SLC7A2: variants seen among roughly 807,000 people sequenced by gnomAD.
SLC7A2 encodes the protein solute carrier family 7 member 2.
Under a neutral mutation model 58.9 loss-of-function variants are expected in SLC7A2, and 48 were observed. That is an observed-to-expected ratio of 0.82 (90% CI 0.65 to 1.04). The LOEUF is 1.04. SLC7A2 is among the 50% of genes least tolerant of loss of function. The pLI, the probability that SLC7A2 is intolerant of heterozygous loss-of-function variation, is 0.00. For missense variants in SLC7A2, 1,029 were observed against 818.8 expected (o/e 1.26, Z -3.13); for synonymous variants, 363 against 314.5 (o/e 1.15, Z -1.63).
chr8:17,561,283 C>T (rs576435108), intron 10 of SLC7A2, among the ~76,000 whole-genome samples: 9 of 152,206 alleles, frequency 5.9e-5, no homozygotes, highest in Non-Finnish European at 7.4e-5. Context: ...TACAGTTCCA[C>T]GTGGTTAGGG....
intron 2 of SLC7A2, among the ~76,000 whole-genome samples, chr8:17,514,090 T>C (rs548306234): frequency 6.6e-6 from 1 of 152,278 alleles, no homozygotes; most frequent in Non-Finnish European, 1.5e-5. Flanking sequence ...TCAGCCCTTA[T>C]TGGGAGTAAA....
rs993125295 is a variant in SLC7A2 at position 17,497,227 on chromosome 8, A to T, written c.-79A>T. On this transcript the variant is annotated 5_prime_UTR_variant, in exon 1 of 13. Coordinates refer to ENST00000494857, the MANE Select transcript of SLC7A2 (RefSeq NM_001370338.1). The stretch of plus-strand genomic sequence containing the variant: ...CCGCCGCCTTCTTGGCGCGACCCCA[A>T]CCCAGCCCCAGTAAGTTGCTAGGTC... 6.6e-6 allele frequency: 1 copy of T among 151,278 alleles called. No individual in the cohort carries two copies. Among genetic ancestry groups the T allele is most frequent in the East Asian group, 2.0e-4 (1 of 5,042 alleles). The allele number at this position is 151,278 out of a possible 1,614,324, so 9.4% of individuals were successfully genotyped here.
chr8:17,541,179 G>C (rs1263666155), intron 2 of SLC7A2, among the ~76,000 whole-genome samples: 5 of 152,156 alleles, frequency 3.3e-5, no homozygotes, highest in Admixed American at 3.3e-4. Context: ...CAGAAGCTCA[G>C]CATTTAGTAA....
At chr8:17,524,197 G>A (rs1801128677) in intron 2 of SLC7A2, among the ~76,000 whole-genome samples, 1 of 152,158 alleles carries the variant, frequency 6.6e-6, no homozygotes. Flanking sequence ...ACAGTGTGGA[G>A]ATTCCTTAAA....
At chr8:17,540,362 A>C (rs889880273) in intron 2 of SLC7A2, among the ~76,000 whole-genome samples, 5 of 152,154 alleles carry the variant, frequency 3.3e-5, no homozygotes, top group African/African-American at 4.8e-5. Context: ...TTTTCTAATT[A>C]CTCAAAAGCA....
chr8:17,567,303 A>G lies in SLC7A2; in HGVS notation c.*2157A>G, dbSNP rs1383539768. On this transcript the variant is annotated 3_prime_UTR_variant, in exon 13 of 13. Transcript: ENST00000494857. ...CACACAGGAAATGTGAACAATTGTT[A>G]TATATGAACACTCAAATCTTTTACT... 6 of 152,442 alleles carry G rather than the reference A, an allele frequency of 3.9e-5. No homozygotes were observed. Among genetic ancestry groups the G allele is most frequent in the African/African-American group, 9.6e-5 (4 of 41,472 alleles). The allele number at this position is 152,442 out of a possible 1,614,324, so 9.4% of individuals were successfully genotyped here. A position where few individuals can be genotyped will look rare whatever the true frequency, so the allele number is the denominator to read the frequency against.
intron 2 of SLC7A2, among the ~76,000 whole-genome samples, chr8:17,503,108 TG>T (rs1388531322): frequency 2.6e-5 from 4 of 152,136 alleles, no homozygotes; most frequent in African/African-American, 9.7e-5. Context: ...TGGAGTGCAG[TG>T]GCGCGATCTC....
upstream of SLC7A2, among the ~76,000 whole-genome samples, chr8:17,496,796 G>T (rs7830597): frequency 0.54 from 82,680 of 152,002 alleles, 22,752 homozygotes; most frequent in East Asian, 0.77. Context: ...TTGAGGTTTG[G>T]TCCTCCCAGG....
intron 4 of SLC7A2, among the ~76,000 whole-genome samples, chr8:17,544,847 A>G (rs1214446370): frequency 6.6e-6 from 1 of 152,246 alleles, no homozygotes. Flanking sequence ...TACACACTAA[A>G]TAATAGGATG....
intron 3 of SLC7A2, 122 bp downstream of exon 3, chr8:17,543,837 G>T: frequency 1.2e-6 from 1 of 863,718 alleles, no homozygotes; most frequent in Non-Finnish European, 1.7e-6. Context: ...TCTCATTTTT[G>T]TCATCTCGAA....
upstream of SLC7A2, among the ~76,000 whole-genome samples, chr8:17,494,836 A>T (rs1432105425): frequency 6.6e-6 from 1 of 152,228 alleles, no homozygotes; most frequent in East Asian, 1.9e-4. Context: ...TCTTGTTAGA[A>T]AGTTGTTTGA....
chr8:17,546,937 G>C (rs1486996501), intron 4 of SLC7A2, among the ~76,000 whole-genome samples: 1 of 152,088 alleles, frequency 6.6e-6, no homozygotes, highest in African/African-American at 2.4e-5. Context: ...AGGAAGCAAA[G>C]TAGGTGTTTT....
Position 17,563,643 on chromosome 8 carries a change from T to G in SLC7A2, c.1712T>G (p.Val571Gly), listed in dbSNP as rs1312859028. 2 of 1,613,662 alleles carry G rather than the reference T, an allele frequency of 1.2e-6. No individual in the cohort carries two copies. Among genetic ancestry groups the G allele is most frequent in the East Asian group, 2.2e-5 (1 of 44,882 alleles). Residue 571 changes from valine (V) to glycine (G), a missense_variant, in exon 12 of 13, where the codon GTG becomes GGG. Physicochemically the swap from Val to Gly is moderately radical, Grantham distance 109. Coordinates refer to ENST00000494857, the MANE Select transcript of SLC7A2 (RefSeq NM_001370338.1). ...LPFLPAFSILVNIYLMVQLSA... is the reference protein window; with the variant it reads ...LPFLPAFSILGNIYLMVQLSA... ...TTTTTGCCAGCGTTCAGCATCTTGG[T>G]GAACATTTACTTGATGGTCCAGTTA...
intron 8 of SLC7A2, chr8:17,555,225 G>T: frequency 1.4e-6 from 1 of 710,104 alleles, no homozygotes; most frequent in Non-Finnish European, 2.2e-6. Context: ...ACAAGCATTG[G>T]GATTAACATG....
intron 2 of SLC7A2, among the ~76,000 whole-genome samples, chr8:17,525,540 A>AGTAG (rs1303654364): frequency 6.6e-6 from 1 of 152,224 alleles, no homozygotes; most frequent in East Asian, 1.9e-4. Context: ...GTGTATGAAC[A>AGTAG]GTAGGAGTGG....
chr8:17,550,308 CCTT>C lies in SLC7A2; in HGVS notation c.709_711del (p.Ser237del). ...GTTTGTTCTCTTTCTTAGAGAGCCA[CCTT>C]CTGAAAACGGAACAAGTATCTATGG... On this transcript the variant is annotated inframe_deletion, in exon 6 of 13. Coordinates refer to ENST00000494857, the MANE Select transcript of SLC7A2 (RefSeq NM_001370338.1). 6.2e-7 allele frequency: 1 copy of C among 1,613,682 alleles called. No individual in the cohort carries two copies. Among genetic ancestry groups the C allele is most frequent in the Non-Finnish European group, 8.5e-7 (1 of 1,179,860 alleles).
chr8:17,568,399 TC>T lies in SLC7A2; in HGVS notation c.*3257del, dbSNP rs1384889168. The stretch of plus-strand genomic sequence containing the variant: ...AATACTGATTATCTTAATCACATTT[TC>T]CCCAGAGATAAACATTGAGAGAACG... On this transcript the variant is annotated 3_prime_UTR_variant, in exon 13 of 13. Coordinates refer to ENST00000494857, the MANE Select transcript of SLC7A2 (RefSeq NM_001370338.1). 3 of 152,024 alleles carry T rather than the reference TC, an allele frequency of 2.0e-5. No homozygotes were observed. The highest frequency in any genetic ancestry group is 4.8e-5 in the African/African-American group (2 of 41,388). 9.4% of individuals were successfully genotyped at this position (152,024 alleles called of 1,614,324 possible).
intron 5 of SLC7A2, among the ~76,000 whole-genome samples, 196 bp downstream of exon 5, chr8:17,549,039 G>C (rs929254883): frequency 6.6e-6 from 1 of 152,206 alleles, no homozygotes; most frequent in Non-Finnish European, 1.5e-5. Context: ...TGAAAGGCAT[G>C]TCTCACATGG....
chr8:17,533,167 G>A (rs745941022), intron 2 of SLC7A2, among the ~76,000 whole-genome samples: 1 of 152,122 alleles, frequency 6.6e-6, no homozygotes, highest in Non-Finnish European at 1.5e-5. Context: ...TTTATCTGAA[G>A]CCAGTATGAA....
Sources: gnomAD v4.1 joint callset for allele counts (sites outside exome capture counted in the v4.1 genomes callset) on GRCh38, gnomAD v4.1.1 for gene constraint, MANE v1.5 for transcripts, NCBI Gene and HGNC (gene_info 2026-07-23, HGNC 2026-07-21) for gene names.